The following CFH variants were observed in gnomAD, a reference collection of about 807,000 sequenced individuals.
The protein encoded by CFH is complement factor H.
CFH carries 53 observed loss-of-function variants against 147.3 expected under a neutral mutation model. The observed-to-expected ratio is 0.36, with a 90% CI of 0.29 to 0.45. The LOEUF (loss-of-function observed/expected upper bound fraction) is 0.45, where lower values mean the gene tolerates loss of function less well. CFH is among the 20% of genes least tolerant of loss of function. CFH has a pLI of 1.00. For missense variants in CFH, 1,380 were observed against 1,498.0 expected (o/e 0.92, Z 1.30); for synonymous variants, 536 against 489.4 (o/e 1.10, Z -1.26).
rs565303187 is a variant in CFH at position 196,692,151 on chromosome 1, A to G, written c.1336+1912A>G. On this transcript the variant is annotated intron_variant, in intron 9 of 21. Transcript: ENST00000367429. ...TTTTATTTATTTATTTTATTTTGAGATAGAATCTCACTCTGTCACCCAGGC... is the reference window on the plus strand; with the variant it reads ...TTTTATTTATTTATTTTATTTTGAGGTAGAATCTCACTCTGTCACCCAGGC... 3.1e-3 allele frequency among the ~76,000 whole-genome samples: 478 copies of G among 152,170 alleles called. 1 individual carries two copies. The highest frequency in any genetic ancestry group is 5.0e-3 in the Non-Finnish European group (338 of 67,986).
At chr1:196,737,939 A>T (rs56326601) in intron 17 of CFH, among the ~76,000 whole-genome samples, 1 of 152,122 alleles carries the variant, frequency 6.6e-6, no homozygotes, top group East Asian at 1.9e-4. Flanking sequence ...ACTGCCCAAT[A>T]CTGGATAATT....
intron 9 of CFH, among the ~76,000 whole-genome samples, chr1:196,711,743 C>T (rs1558172076): frequency 6.6e-6 from 1 of 151,994 alleles, no homozygotes; most frequent in African/African-American, 2.4e-5. Context: ...TGATTGATTC[C>T]ATTTAAATGT....
In CFH at chr1:196,745,837, C is replaced by T. The variant is rs772573295; in HGVS notation, c.3331C>T (p.Pro1111Ser). The T allele has an allele frequency of 2.5e-6, 4 of 1,613,938 alleles. No individual in the cohort carries two copies. In the East Asian group the frequency reaches 8.9e-5, roughly 36 times the overall value. Reference protein sequence around the residue: ...QCKDSTGKCGPPPPIDNGDIT... With the variant: ...QCKDSTGKCGSPPPIDNGDIT... ...TTTAGATTCTACAGGAAAATGTGGG[C>T]CCCCTCCACCTATTGACAATGGGGA... is the stretch of plus-strand genomic sequence containing the variant. Residue 1111 changes from proline (P) to serine (S), a missense_variant, in exon 21 of 22, where the codon CCC becomes TCC. This residue lies in a region of CFH where 123 missense variants were observed against 185.3 expected (regional missense o/e 0.66). Coordinates refer to ENST00000367429, the MANE Select transcript of CFH (RefSeq NM_000186.4).
intron 1 of CFH, among the ~76,000 whole-genome samples, chr1:196,671,332 T>C (rs1667269093): frequency 6.6e-6 from 1 of 152,146 alleles, no homozygotes; most frequent in Non-Finnish European, 1.5e-5. Flanking sequence ...TTTTGCTTTT[T>C]TGTGTATCTT....
At chr1:196,666,746 G>C (rs1003425075) in intron 1 of CFH, among the ~76,000 whole-genome samples, 1 of 150,874 alleles carries the variant, frequency 6.6e-6, no homozygotes. Context: ...CAGGAGTGGA[G>C]GTTGTGGTGA....
chr1:196,727,182 G>A (rs1036463910), intron 14 of CFH, among the ~76,000 whole-genome samples: 1 of 152,054 alleles, frequency 6.6e-6, no homozygotes, highest in African/African-American at 2.4e-5. Context: ...ATATTTAAAA[G>A]TGTGAAGCAA....
chr1:196,654,858 A>G (rs1666632052), intron 1 of CFH, among the ~76,000 whole-genome samples: 1 of 152,106 alleles, frequency 6.6e-6, no homozygotes, highest in Non-Finnish European at 1.5e-5. Flanking sequence ...GTGGTCTAAA[A>G]TCCTAAATTG....
intron 1 of CFH, among the ~76,000 whole-genome samples, chr1:196,656,319 AAAAAG>A (rs991999902): frequency 6.6e-5 from 10 of 151,660 alleles, no homozygotes; most frequent in African/African-American, 2.4e-4. Context: ...GAAAAAAAAA[AAAAAG>A]AAAGAAAGAA....
intron 9 of CFH, among the ~76,000 whole-genome samples, chr1:196,711,046 G>C (rs1274479853): frequency 2.6e-5 from 4 of 151,860 alleles, no homozygotes; most frequent in Non-Finnish European, 5.9e-5. Flanking sequence ...TGTCATTTCT[G>C]TCATTGCTGT....
At chr1:196,726,336 A>G (rs1669135949) in intron 12 of CFH, 134 bp from the exon 13 acceptor site, 2 of 693,710 alleles carry the variant, frequency 2.9e-6, no homozygotes, top group Admixed American at 2.7e-5. Flanking sequence ...ACCATTCTTG[A>G]TTGTTTAGGA....
At chr1:196,665,572 CCATTT>C (rs1280103546) in intron 1 of CFH, among the ~76,000 whole-genome samples, 1 of 151,824 alleles carries the variant, frequency 6.6e-6, no homozygotes, top group Non-Finnish European at 1.5e-5. Context: ...CAAATTTATC[CCATTT>C]CATTTCCAGT....
chr1:196,744,504 T>A (rs1238167453), intron 20 of CFH, among the ~76,000 whole-genome samples: 1 of 152,128 alleles, frequency 6.6e-6, no homozygotes, highest in Non-Finnish European at 1.5e-5. Flanking sequence ...TCTCCTCCTT[T>A]TAAAAAGTTG....
At chr1:196,652,219 C>T (rs749096274) in intron 1 of CFH, 44 bp downstream of exon 1, 6 of 1,427,160 alleles carry the variant, frequency 4.2e-6, no homozygotes, top group South Asian at 2.3e-5. Context: ...TATTATGAAA[C>T]ATTTGCTAAT....
intron 20 of CFH, 102 bp from the exon 21 acceptor site, chr1:196,745,715 C>A: frequency 6.6e-7 from 1 of 1,509,450 alleles, no homozygotes; most frequent in Non-Finnish European, 9.2e-7. Flanking sequence ...AATCACAAAA[C>A]TGTTGATATT....
At chr1:196,713,956 A>G in intron 10 of CFH, 39 bp downstream of exon 10, 9 of 1,571,974 alleles carry the variant, frequency 5.7e-6, no homozygotes, top group Non-Finnish European at 7.9e-6. Context: ...TATCCAGATG[A>G]TACACAAAAG....
intron 1 of CFH, among the ~76,000 whole-genome samples, chr1:196,660,484 T>G (rs1268381410): frequency 6.6e-6 from 1 of 152,156 alleles, no homozygotes; most frequent in Non-Finnish European, 1.5e-5. Flanking sequence ...GTGAATAGAC[T>G]GAAGTAACAG....
chr1:196,744,386 G>A (rs1408307261), intron 20 of CFH, among the ~76,000 whole-genome samples: 1 of 151,752 alleles, frequency 6.6e-6, no homozygotes, highest in African/African-American at 2.4e-5. Context: ...GTTTCCTCTG[G>A]GTTTCAGTCC....
chr1:196,686,407 T>C (rs887544262), intron 7 of CFH, among the ~76,000 whole-genome samples: 1 of 152,096 alleles, frequency 6.6e-6, no homozygotes, highest in African/African-American at 2.4e-5. Context: ...CCAAAAATCA[T>C]CACATGTAGC....
intron 4 of CFH, among the ~76,000 whole-genome samples, 162 bp downstream of exon 4, chr1:196,676,227 C>A (rs573930117): frequency 5.5e-4 from 84 of 151,480 alleles, no homozygotes; most frequent in African/African-American, 1.8e-3. Context: ...TTACTACATT[C>A]TTGGTGTTTC....
Sources: allele counts gnomAD v4.1 joint callset (sites outside exome capture counted in the v4.1 genomes callset), GRCh38; gene constraint gnomAD v4.1.1; regional missense constraint gnomAD v4.1.1; transcripts MANE v1.5; gene names NCBI Gene and HGNC (gene_info 2026-07-23, HGNC 2026-07-21).